ADGRL3: variants seen among roughly 807,000 people sequenced by gnomAD.
ADGRL3 encodes the protein adhesion G protein-coupled receptor L3, also known as calcium-independent alpha-latrotoxin receptor 3.
A neutral mutation model predicts 153.5 loss-of-function variants in ADGRL3; 62 were observed. The ratio of observed to expected loss-of-function variants is 0.40; its 90% confidence interval spans 0.33 to 0.50. ADGRL3 has a LOEUF of 0.50. ADGRL3 is among the 20% of genes least tolerant of loss of function. ADGRL3 has a pLI of 0.47. For synonymous variants in ADGRL3, 710 were observed against 672.5 expected, an observed-to-expected ratio of 1.06 and a Z score of -0.86; for missense variants, 1,641 against 1,859.4, an observed-to-expected ratio of 0.88 and a Z score of 2.16.
chr4:61,453,410 G>C (rs1009052901), intron 2 of ADGRL3, among the ~76,000 whole-genome samples: 1 of 151,978 alleles, frequency 6.6e-6, no homozygotes, highest in Non-Finnish European at 1.5e-5. Flanking sequence ...TCATCTTTTG[G>C]ATTGATTCCT....
At chr4:61,377,874 A>C (rs1180193273) in intron 1 of ADGRL3, among the ~76,000 whole-genome samples, 3 of 151,828 alleles carry the variant, frequency 2.0e-5, no homozygotes, top group Non-Finnish European at 4.4e-5. Flanking sequence ...GCATCCCATA[A>C]ATTTTGCTAT....
chr4:61,821,357 G>A (rs201136222), intron 9 of ADGRL3, among the ~76,000 whole-genome samples: 4 of 140,376 alleles, frequency 2.8e-5, no homozygotes, highest in Non-Finnish European at 6.2e-5. Context: ...TTATTTATTT[G>A]TTTATTTATT....
chr4:61,273,780 G>A lies in ADGRL3; in HGVS notation c.-240+72015G>A, dbSNP rs143066529. Among the ~76,000 whole-genome samples, 18 of 152,174 alleles carry A rather than the reference G, an allele frequency of 1.2e-4. 1 individual carries two copies. In the East Asian group the frequency reaches 3.3e-3, roughly 28 times the overall value. On this transcript the variant is annotated intron_variant, in intron 1 of 26. Coordinates refer to ENST00000683033, the MANE Select transcript of ADGRL3 (RefSeq NM_001387552.1). ...GTTAACTACTACTTCCCCGCACCCC[G>A]TGGAATTGGTGGTGCAAGTCTTAAT...
chr4:61,384,878 A>T (rs533419134), intron 2 of ADGRL3, among the ~76,000 whole-genome samples: 5 of 152,086 alleles, frequency 3.3e-5, no homozygotes, highest in Non-Finnish European at 5.9e-5. Flanking sequence ...CAGTGATAGT[A>T]TGTTAGTGGT....
At chr4:61,250,890 TTATAA>T (rs1303482538) in intron 1 of ADGRL3, among the ~76,000 whole-genome samples, 3 of 152,174 alleles carry the variant, frequency 2.0e-5, no homozygotes, top group Non-Finnish European at 4.4e-5. Context: ...AATGGGAGTG[TTATAA>T]TAAAATCATA....
At chr4:61,921,865 T>C (rs2098771211) in intron 13 of ADGRL3, among the ~76,000 whole-genome samples, 1 of 152,140 alleles carries the variant, frequency 6.6e-6, no homozygotes, top group South Asian at 2.1e-4. Flanking sequence ...ACCCACACAA[T>C]AGGGTAGCAT....
intron 8 of ADGRL3, among the ~76,000 whole-genome samples, chr4:61,770,439 A>G (rs1483179227): frequency 6.6e-6 from 1 of 152,222 alleles, no homozygotes; most frequent in Non-Finnish European, 1.5e-5. Context: ...TTATGTCTGA[A>G]AGGCACAAAG....
chr4:61,308,593 A>G (rs1415106662), intron 1 of ADGRL3, among the ~76,000 whole-genome samples: 1 of 152,216 alleles, frequency 6.6e-6, no homozygotes, highest in African/African-American at 2.4e-5. Flanking sequence ...GAAATTCACA[A>G]TAAAATAAAA....
chr4:62,036,015 T>C (rs1724779838), intron 23 of ADGRL3, among the ~76,000 whole-genome samples: 1 of 152,158 alleles, frequency 6.6e-6, no homozygotes, highest in Non-Finnish European at 1.5e-5. Context: ...CATAACTGGC[T>C]ACAGCTCGAT....
intron 15 of ADGRL3, among the ~76,000 whole-genome samples, chr4:61,946,353 CTTTA>C (rs1176431001): frequency 3.3e-5 from 5 of 151,898 alleles, no homozygotes; most frequent in South Asian, 2.1e-4. Flanking sequence ...TTGGCCTTTC[CTTTA>C]TTTATTTTTC....
At chr4:61,512,633 T>A (rs1579269810) in intron 3 of ADGRL3, among the ~76,000 whole-genome samples, 1 of 152,062 alleles carries the variant, frequency 6.6e-6, no homozygotes, top group Non-Finnish European at 1.5e-5. Context: ...AGGAACAAGA[T>A]TTTGAGTATG....
chr4:61,412,672 G>A (rs1185113005), intron 2 of ADGRL3, among the ~76,000 whole-genome samples: 4 of 152,102 alleles, frequency 2.6e-5, no homozygotes, highest in Admixed American at 2.6e-4. Context: ...CCTAAAGTTA[G>A]CTAACTTGAT....
intron 1 of ADGRL3, among the ~76,000 whole-genome samples, chr4:61,290,657 A>C (rs890117073): frequency 2.3e-5 from 3 of 132,700 alleles, no homozygotes; most frequent in Non-Finnish European, 5.1e-5. Context: ...AAAGGAAGGA[A>C]GGAAGAAAGG....
At chr4:61,365,493 C>T (rs891286066) in intron 1 of ADGRL3, among the ~76,000 whole-genome samples, 1 of 152,168 alleles carries the variant, frequency 6.6e-6, no homozygotes, top group Non-Finnish European at 1.5e-5. Flanking sequence ...AGGTATCTGC[C>T]TTGGTGCCTC....
At chr4:61,404,040 T>C (rs920873470) in intron 2 of ADGRL3, among the ~76,000 whole-genome samples, 12 of 152,024 alleles carry the variant, frequency 7.9e-5, no homozygotes, top group Admixed American at 3.9e-4. Context: ...TAAGAAATTT[T>C]AGGGGATACC....
chr4:61,382,342 T>A (rs1293256843), intron 1 of ADGRL3, among the ~76,000 whole-genome samples: 1 of 151,448 alleles, frequency 6.6e-6, no homozygotes, highest in Non-Finnish European at 1.5e-5. Flanking sequence ...GAGCTTTGTG[T>A]AAAGCTCTTT....
intron 1 of ADGRL3, among the ~76,000 whole-genome samples, chr4:61,318,152 C>A (rs1304972865): frequency 6.9e-6 from 1 of 144,692 alleles, no homozygotes; most frequent in African/African-American, 2.6e-5. Flanking sequence ...CAAGATTGCA[C>A]CACTGCACTC....
chr4:61,534,583 T>G (rs2098643648), intron 4 of ADGRL3, among the ~76,000 whole-genome samples: 1 of 152,172 alleles, frequency 6.6e-6, no homozygotes, highest in African/African-American at 2.4e-5. Flanking sequence ...TGGCACTTTT[T>G]CTATTGGTTT....
intron 4 of ADGRL3, among the ~76,000 whole-genome samples, chr4:61,556,390 G>A (rs951988560): frequency 1.8e-4 from 28 of 152,108 alleles, no homozygotes; most frequent in African/African-American, 6.8e-4. Flanking sequence ...AAGGAGATCT[G>A]GTGCCACTAA....
Sources: allele counts gnomAD v4.1 joint callset (sites outside exome capture counted in the v4.1 genomes callset), GRCh38; gene constraint gnomAD v4.1.1; transcripts MANE v1.5; gene names NCBI Gene and HGNC (gene_info 2026-07-23, HGNC 2026-07-21).